The following ETV7 variants were observed in gnomAD, a reference collection of about 807,000 sequenced individuals.
ETV7 encodes transcription factor ETV7.
A neutral mutation model predicts 39.1 loss-of-function variants in ETV7; 43 were observed. The ratio of observed to expected loss-of-function variants is 1.10; its 90% CI spans 0.86 to 1.42. The LOEUF is 1.42. ETV7 is among the 40% of genes most tolerant of loss of function. The probability of loss-of-function intolerance (pLI) is 0.00; values close to 1 mark genes in which losing one functional copy is unlikely to be tolerated. For missense variants in ETV7, 432 were observed against 442.3 expected (o/e 0.98, Z 0.21); for synonymous variants, 196 against 176.6 (o/e 1.11, Z -0.87).
At chr6:36,383,946 G>T (rs867137565) in intron 2 of ETV7, among the ~76,000 whole-genome samples, 1 of 152,174 alleles carries the variant, frequency 6.6e-6, no homozygotes, top group African/African-American at 2.4e-5. Context: ...GCTTTTTCTG[G>T]CTGCAGGAAC....
chr6:36,384,665 G>A (rs1197471979), intron 2 of ETV7, among the ~76,000 whole-genome samples: 2 of 152,122 alleles, frequency 1.3e-5, no homozygotes, highest in Non-Finnish European at 2.9e-5. Flanking sequence ...CGAGGCGGGT[G>A]GATCACAAGG....
At chr6:36,379,561 AAG>A (rs1352787662) in intron 2 of ETV7, among the ~76,000 whole-genome samples, 42 of 38,182 alleles carry the variant, frequency 1.1e-3, no homozygotes, top group Admixed American at 2.2e-3. Context: ...AAAAAAAAAA[AAG>A]AAGAAGAAGA....
intron 7 of ETV7, among the ~76,000 whole-genome samples, chr6:36,356,285 T>A (rs533974542): frequency 1.5e-4 from 21 of 142,640 alleles, no homozygotes; most frequent in Admixed American, 2.9e-4. Flanking sequence ...GATGGCACCA[T>A]TGCACTCCAG....
chr6:36,374,352 G>A (rs1158344752), intron 3 of ETV7, among the ~76,000 whole-genome samples: 1 of 143,864 alleles, frequency 7.0e-6, no homozygotes, highest in Non-Finnish European at 1.5e-5. Flanking sequence ...GTGAGACCCT[G>A]TCTCAAAAAA....
intron 7 of ETV7, among the ~76,000 whole-genome samples, chr6:36,357,446 G>A (rs905760850): frequency 6.6e-6 from 1 of 152,202 alleles, no homozygotes; most frequent in Non-Finnish European, 1.5e-5. Flanking sequence ...CCTGGCCACA[G>A]AGCAGGATGA....
chr6:36,374,539 T>C (rs1773210173), intron 3 of ETV7, among the ~76,000 whole-genome samples: 1 of 151,658 alleles, frequency 6.6e-6, no homozygotes, highest in Non-Finnish European at 1.5e-5. Context: ...GGACCAGGAG[T>C]GCTTGTAGGA....
Sources: allele counts gnomAD v4.1 joint callset (sites outside exome capture counted in the v4.1 genomes callset), GRCh38; gene constraint gnomAD v4.1.1; transcripts MANE v1.5; gene names NCBI Gene and HGNC (gene_info 2026-07-23, HGNC 2026-07-21).